Variants in ACER3 observed in about 807,000 individuals in gnomAD.
ACER3 encodes the protein alkCDase 3.
A neutral mutation model predicts 48.9 loss-of-function variants in ACER3; 16 were observed. The ratio of observed to expected loss-of-function variants is 0.33; its 90% confidence interval spans 0.22 to 0.50. The LOEUF is 0.50. Ranked by LOEUF, ACER3 falls within the 20% of genes least tolerant of loss-of-function variation. The pLI is 0.98. For synonymous variants in ACER3, 109 were observed against 107.8 expected (o/e 1.01, Z -0.07); for missense variants, 227 against 326.0 (o/e 0.70, Z 2.34).
intron 7 of ACER3, among the ~76,000 whole-genome samples, chr11:77,005,991 A>ATATACATATATATATT (rs1388727709): frequency 8.1e-4 from 82 of 100,748 alleles, no homozygotes; most frequent in East Asian, 1.7e-3. Flanking sequence ...ATATATATAT[A>ATATACATATATATATT]TTTTTTTTTT....
At chr11:76,952,664 A>ATT (rs1555009505) in intron 2 of ACER3, among the ~76,000 whole-genome samples, 5 of 90,272 alleles carry the variant, frequency 5.5e-5, no homozygotes, top group Non-Finnish European at 1.3e-4. Flanking sequence ...GTTACGTAAG[A>ATT]TTTCTTTTTT....
chr11:77,014,313 C>T (rs1949325186), intron 7 of ACER3, among the ~76,000 whole-genome samples: 1 of 152,126 alleles, frequency 6.6e-6, no homozygotes, highest in African/African-American at 2.4e-5. Context: ...CGTATCACTC[C>T]TTATCAGGCC....
At chr11:76,868,417 G>A in intron 1 of ACER3, 1 of 570,646 alleles carries the variant, frequency 1.8e-6, no homozygotes. Flanking sequence ...GTGTGTGTGT[G>A]TGTGTGTGTG....
chr11:76,878,740 G>A (rs929162175), intron 1 of ACER3, among the ~76,000 whole-genome samples: 4 of 152,026 alleles, frequency 2.6e-5, no homozygotes, highest in Non-Finnish European at 4.4e-5. Context: ...TTTTCTAAGA[G>A]CCTGTAAGAC....
At chr11:76,988,198 G>C (rs1948724473) in intron 5 of ACER3, among the ~76,000 whole-genome samples, 1 of 152,214 alleles carries the variant, frequency 6.6e-6, no homozygotes, top group Non-Finnish European at 1.5e-5. Flanking sequence ...TAATGAGGAT[G>C]CTGTCAGTAG....
intron 3 of ACER3, among the ~76,000 whole-genome samples, chr11:76,963,284 A>C (rs576341600): frequency 1.4e-5 from 2 of 146,642 alleles, no homozygotes; most frequent in East Asian, 2.0e-4. Flanking sequence ...ACCTAGAGAC[A>C]TACCCACAAC....
chr11:76,941,440 T>G (rs577326777), intron 2 of ACER3, among the ~76,000 whole-genome samples: 1 of 152,146 alleles, frequency 6.6e-6, no homozygotes, highest in Non-Finnish European at 1.5e-5. Flanking sequence ...GCTTATAGTC[T>G]AGCATGGGGA....
chr11:77,022,389 A>G lies in ACER3; in HGVS notation c.*2062A>G, dbSNP rs572484032. ...ACAGTGGAGAGTCATCTACACCCCA[A>G]GGTGAGCTGTAAGACTGGCCAATTC... On this transcript the variant is annotated 3_prime_UTR_variant, in exon 11 of 11. Coordinates refer to ENST00000532485, the MANE Select transcript of ACER3 (RefSeq NM_018367.7). 6.6e-6 allele frequency: 1 copy of G among 152,200 alleles called. No individual in the cohort carries two copies. The highest frequency in any genetic ancestry group is 1.5e-5 in the Non-Finnish European group (1 of 68,032). The allele number at this position is 152,200 out of a possible 1,614,324, so 9.4% of individuals were successfully genotyped here.
chr11:76,971,456 C>T (rs1948300317), intron 3 of ACER3, among the ~76,000 whole-genome samples: 1 of 151,960 alleles, frequency 6.6e-6, no homozygotes, highest in Admixed American at 6.6e-5. Context: ...AGGAGAATCA[C>T]TTGAACCCGG....
At chr11:76,970,365 C>T (rs74425047) in intron 3 of ACER3, among the ~76,000 whole-genome samples, 3,250 of 152,134 alleles carry the variant, frequency 0.021, 119 homozygotes, top group African/African-American at 0.075. Context: ...GCCAAACATG[C>T]GTAATCTGAA....
At chr11:76,939,316 T>A (rs1426298259) in intron 2 of ACER3, among the ~76,000 whole-genome samples, 1 of 152,220 alleles carries the variant, frequency 6.6e-6, no homozygotes, top group Non-Finnish European at 1.5e-5. Context: ...AAGGGAAGAA[T>A]GTTAACAGTG....
At chr11:76,910,728 A>T (rs923667248) in intron 1 of ACER3, among the ~76,000 whole-genome samples, 29 of 152,352 alleles carry the variant, frequency 1.9e-4, no homozygotes, top group African/African-American at 7.0e-4. Context: ...AAAGTAAGAC[A>T]TTATATTGTT....
At chr11:76,974,529 A>G (rs1948387771) in intron 3 of ACER3, among the ~76,000 whole-genome samples, 1 of 152,206 alleles carries the variant, frequency 6.6e-6, no homozygotes, top group African/African-American at 2.4e-5. Context: ...GAACTGCTCC[A>G]CCACTTAAAA....
chr11:76,874,403 T>TTA (rs1554990575), intron 1 of ACER3, among the ~76,000 whole-genome samples: 1 of 148,394 alleles, frequency 6.7e-6, no homozygotes, highest in African/African-American at 2.5e-5. Flanking sequence ...AAAAATAAGT[T>TTA]AAAAAAAAAA....
chr11:76,887,811 CTT>C (rs67954212), intron 1 of ACER3, among the ~76,000 whole-genome samples: 35,852 of 87,000 alleles, frequency 0.41, 6,017 homozygotes, highest in Middle Eastern at 0.55. Flanking sequence ...CTATAGGTAA[CTT>C]TTTTTTTTTT....
intron 1 of ACER3, among the ~76,000 whole-genome samples, chr11:76,899,239 C>A (rs1044322755): frequency 2.6e-5 from 4 of 152,126 alleles, no homozygotes; most frequent in Non-Finnish European, 5.9e-5. Context: ...TACTAAGCAC[C>A]TTATTATAAT....
At chr11:76,885,595 G>A (rs372260759) in intron 1 of ACER3, among the ~76,000 whole-genome samples, 8 of 152,242 alleles carry the variant, frequency 5.3e-5, no homozygotes, top group African/African-American at 1.7e-4. Context: ...CTTCCTGCAG[G>A]AAGGAACAGG....
chr11:76,917,040 G>T (rs1946551391), intron 1 of ACER3, among the ~76,000 whole-genome samples: 1 of 152,070 alleles, frequency 6.6e-6, no homozygotes, highest in African/African-American at 2.4e-5. Flanking sequence ...CTGTGTACTT[G>T]GCCTTTCTTC....
intron 2 of ACER3, among the ~76,000 whole-genome samples, chr11:76,933,489 C>G (rs540945871): frequency 1.3e-4 from 19 of 150,668 alleles, no homozygotes; most frequent in African/African-American, 2.2e-4. Flanking sequence ...TGACTCTTAA[C>G]GAGCATGCTG....
Sources: allele counts gnomAD v4.1 joint callset (sites outside exome capture counted in the v4.1 genomes callset), GRCh38; gene constraint gnomAD v4.1.1; transcripts MANE v1.5; gene names NCBI Gene and HGNC (gene_info 2026-07-23, HGNC 2026-07-21).